SLC20A2: variants seen among roughly 807,000 people sequenced by gnomAD.
SLC20A2 encodes solute carrier family 20 member 2, also known as sodium-dependent phosphate transporter 2.
A neutral mutation model predicts 61.0 loss-of-function variants in SLC20A2; 30 were observed. The ratio of observed to expected loss-of-function variants is 0.49; its 90% CI spans 0.37 to 0.67. The LOEUF (loss-of-function observed/expected upper bound fraction) is 0.67, where lower values mean the gene tolerates loss of function less well. SLC20A2 is among the 30% of genes least tolerant of loss of function. The probability of loss-of-function intolerance (pLI) is 0.00; values close to 1 mark genes in which losing one functional copy is unlikely to be tolerated. For missense variants in SLC20A2, 626 were observed against 866.4 expected (o/e 0.72, Z 3.48); for synonymous variants, 351 against 353.3 (o/e 0.99, Z 0.07).
intron 1 of SLC20A2, among the ~76,000 whole-genome samples, chr8:42,523,411 T>A (rs1811722088): frequency 6.6e-6 from 1 of 152,226 alleles, no homozygotes; most frequent in Admixed American, 6.5e-5. Context: ...GAGGCTATTA[T>A]AGCATAAATT....
At chr8:42,463,296 C>T (rs1194638400) in intron 3 of SLC20A2, 1 of 446,926 alleles carries the variant, frequency 2.2e-6, no homozygotes, top group Non-Finnish European at 4.0e-6. Flanking sequence ...GACATCAACA[C>T]ACAGTCACAC....
intron 1 of SLC20A2, among the ~76,000 whole-genome samples, chr8:42,483,222 T>C (rs1347301246): frequency 6.6e-6 from 1 of 151,682 alleles, no homozygotes; most frequent in Non-Finnish European, 1.5e-5. Context: ...AATACAAAAA[T>C]TAGGTGGGCA....
chr8:42,533,576 C>T (rs1405724700), intron 1 of SLC20A2, among the ~76,000 whole-genome samples: 3 of 151,370 alleles, frequency 2.0e-5, no homozygotes, highest in Admixed American at 6.6e-5. Flanking sequence ...TTATATTTAC[C>T]GAGATTGCGT....
At chr8:42,497,374 T>C (rs938119978) in intron 1 of SLC20A2, among the ~76,000 whole-genome samples, 2 of 152,190 alleles carry the variant, frequency 1.3e-5, no homozygotes, top group African/African-American at 4.8e-5. Context: ...GGGAGATTTT[T>C]TAAACACAGG....
intron 1 of SLC20A2, among the ~76,000 whole-genome samples, chr8:42,528,949 G>A (rs1329003557): frequency 6.8e-6 from 1 of 147,546 alleles, no homozygotes; most frequent in Admixed American, 6.8e-5. Flanking sequence ...TTACAGGCAT[G>A]AGCCACCGAG....
At position 42,436,250 on chromosome 8, in the gene SLC20A2, G is replaced by A. The variant is rs772656569; in HGVS notation, c.1523+739C>T. 3.9e-5 allele frequency among the ~76,000 whole-genome samples: 6 copies of A among 151,922 alleles called. No individual in the cohort carries two copies. The South Asian group carries it at 6.2e-4, about 16-fold the overall frequency. On this transcript the variant is annotated intron_variant, in intron 8 of 10. Coordinates refer to ENST00000520262, the MANE Select transcript of SLC20A2 (RefSeq NM_001257180.2). ...ACTGCCCCAGTGCTCCTCCACCCAC[G>A]TTACCTGCTCTGCACCCAGCCCGGC...
intron 3 of SLC20A2, among the ~76,000 whole-genome samples, chr8:42,464,217 C>T (rs1383373410): frequency 6.8e-6 from 1 of 147,488 alleles, no homozygotes; most frequent in Non-Finnish European, 1.5e-5. Context: ...AAGTGATCCT[C>T]CCACCTCAGC....
At chr8:42,468,642 G>A (rs753877783) in intron 2 of SLC20A2, among the ~76,000 whole-genome samples, 6 of 152,070 alleles carry the variant, frequency 3.9e-5, no homozygotes, top group Admixed American at 6.6e-5. Flanking sequence ...TGCAAGCCAC[G>A]ACCTAGGGAA....
chr8:42,452,145 AGAG>A (rs1805759919), intron 5 of SLC20A2, among the ~76,000 whole-genome samples: 1 of 135,292 alleles, frequency 7.4e-6, no homozygotes, highest in Non-Finnish European at 1.6e-5. Context: ...GAAGAGATGA[AGAG>A]GAGGAGGAAG....
In SLC20A2 at chr8:42,514,756, TGAAAAAAAAAAA is replaced by T. The variant is rs540676397; in HGVS notation, c.-265+27053_-265+27064del. On this transcript the variant is annotated intron_variant, in intron 1 of 10. Transcript: ENST00000342228. ...CTGGGCAATGGAGTAATACTCTGTT[TGAAAAAAAAAAA>T]GAAAAAAAAAAAGCCCTTTTCCTAA... 8.9e-5 allele frequency among the ~76,000 whole-genome samples: 13 copies of T among 145,850 alleles called. No individual in the cohort carries two copies. In the South Asian group the frequency reaches 2.0e-3, roughly 22 times the overall value.
chr8:42,424,972 G>A (rs1237794690), intron 10 of SLC20A2, among the ~76,000 whole-genome samples: 1 of 152,140 alleles, frequency 6.6e-6, no homozygotes, highest in African/African-American at 2.4e-5. Context: ...CTTGAACCCA[G>A]GAGGCGGAGG....
chr8:42,452,057 T>G (rs1289215123), intron 5 of SLC20A2, among the ~76,000 whole-genome samples: 9 of 57,014 alleles, frequency 1.6e-4, no homozygotes, highest in African/African-American at 2.0e-4. Flanking sequence ...GAGGAAGAGA[T>G]GAAGAGGAGG....
intron 10 of SLC20A2, among the ~76,000 whole-genome samples, chr8:42,424,820 C>G (rs1803289799): frequency 6.6e-6 from 1 of 152,118 alleles, no homozygotes; most frequent in Admixed American, 6.6e-5. Context: ...CCGAGGCAGG[C>G]AGACCACTTG....
chr8:42,512,355 C>CT (rs1157900939), intron 1 of SLC20A2, among the ~76,000 whole-genome samples: 96 of 143,892 alleles, frequency 6.7e-4, no homozygotes, highest in Non-Finnish European at 6.9e-4. Flanking sequence ...TTGAAAAACT[C>CT]TTTTTTTTTT....
chr8:42,490,333 C>T (rs1388853870), intron 1 of SLC20A2, among the ~76,000 whole-genome samples: 1 of 152,110 alleles, frequency 6.6e-6, no homozygotes, highest in Non-Finnish European at 1.5e-5. Context: ...TGTGGTGGCT[C>T]ACGCCTGTAA....
At chr8:42,539,166 CT>C (rs1440991571) in intron 1 of SLC20A2, among the ~76,000 whole-genome samples, 1 of 152,176 alleles carries the variant, frequency 6.6e-6, no homozygotes, top group East Asian at 1.9e-4. Context: ...GCAAAGCATT[CT>C]TAATCTTTTC....
chr8:42,471,596 T>A (rs935055191), intron 2 of SLC20A2, among the ~76,000 whole-genome samples: 6 of 152,226 alleles, frequency 3.9e-5, no homozygotes, highest in Non-Finnish European at 8.8e-5. Context: ...ACTTAAGATT[T>A]ATTTGGTAAC....
intron 1 of SLC20A2, among the ~76,000 whole-genome samples, chr8:42,475,230 G>T (rs1423573681): frequency 6.6e-6 from 1 of 152,050 alleles, no homozygotes; most frequent in Non-Finnish European, 1.5e-5. Flanking sequence ...CTCCTCAGTA[G>T]TTGGGACTAC....
At chr8:42,502,024 G>A (rs1810350848), upstream of SLC20A2, among the ~76,000 whole-genome samples, 1 of 152,108 alleles carries the variant, frequency 6.6e-6, no homozygotes, top group Non-Finnish European at 1.5e-5. Flanking sequence ...TACTCAAGAC[G>A]GTTTGGGACT....
Sources: gnomAD v4.1 joint callset for allele counts (sites outside exome capture counted in the v4.1 genomes callset) on GRCh38, gnomAD v4.1.1 for gene constraint, MANE v1.5 for transcripts, NCBI Gene and HGNC (gene_info 2026-07-23, HGNC 2026-07-21) for gene names.